Variants in TMEM178B observed in about 807,000 individuals in gnomAD.
TMEM178B encodes the protein transmembrane protein 178B.
Under a neutral mutation model 31.0 loss-of-function variants are expected in TMEM178B, and 5 were observed. The ratio of observed to expected loss-of-function variants is 0.16; its 90% CI spans 0.08 to 0.34. The LOEUF (loss-of-function observed/expected upper bound fraction) is 0.34, where lower values mean the gene tolerates loss of function less well. Among genes scored for constraint, TMEM178B ranks in the 10% least tolerant of loss-of-function variants. The pLI is 1.00. For synonymous variants in TMEM178B, 164 were observed against 164.0 expected, an observed-to-expected ratio of 1.00 and a Z score of 0.00; for missense variants, 275 against 400.3, an observed-to-expected ratio of 0.69 and a Z score of 2.67.
chr7:141,103,251 G>A (rs1278719347), intron 1 of TMEM178B, among the ~76,000 whole-genome samples: 1 of 152,206 alleles, frequency 6.6e-6, no homozygotes, highest in Non-Finnish European at 1.5e-5. Flanking sequence ...CACAATTGTG[G>A]TTGTAGATCA....
At chr7:141,227,269 A>G (rs1401788196) in intron 2 of TMEM178B, among the ~76,000 whole-genome samples, 2 of 152,224 alleles carry the variant, frequency 1.3e-5, no homozygotes, top group African/African-American at 4.8e-5. Flanking sequence ...GGCATCTGAA[A>G]GGAACCTAAA....
chr7:141,257,818 C>T (rs1469531124), intron 2 of TMEM178B, among the ~76,000 whole-genome samples: 4 of 151,798 alleles, frequency 2.6e-5, no homozygotes, highest in Admixed American at 2.6e-4. Context: ...ATGTTTCATC[C>T]ATTCACATTT....
At chr7:141,368,578 T>C (rs1448512897) in intron 2 of TMEM178B, among the ~76,000 whole-genome samples, 1 of 152,230 alleles carries the variant, frequency 6.6e-6, no homozygotes, top group African/African-American at 2.4e-5. Context: ...AAAGACTGAA[T>C]ACAATTCTAC....
Position 141,229,087 on chromosome 7 carries a change from G to C in TMEM178B, c.496+16383G>C, listed in dbSNP as rs1558447. On this transcript the variant is annotated intron_variant, in intron 2 of 3. Transcript: ENST00000565468. Reference sequence around the variant, plus strand: ...TGACTAGGGATTTTTTTTGCAAAATGATGTGTGTGTGTGGTGTGTGTGTGT... The same window carrying C: ...TGACTAGGGATTTTTTTTGCAAAATCATGTGTGTGTGTGGTGTGTGTGTGT... Among the ~76,000 whole-genome samples the C allele has an allele frequency of 2.8e-4, 33 of 119,500 alleles. No homozygotes were observed. In the East Asian group the frequency reaches 5.1e-3, roughly 18 times the overall value. The allele number at this position is 119,500 out of a possible 152,430, so 78.4% of individuals were successfully genotyped here.
intron 1 of TMEM178B, among the ~76,000 whole-genome samples, chr7:141,119,728 G>A (rs1171470308): frequency 4.6e-5 from 7 of 152,152 alleles, no homozygotes; most frequent in Non-Finnish European, 8.8e-5. Context: ...GAAGGGAGCC[G>A]GGGTTATGTC....
At chr7:141,493,197 T>G in the TMEM178B span, among the ~76,000 whole-genome samples, 1 of 152,092 alleles carries the variant, frequency 6.6e-6, no homozygotes, top group Admixed American at 6.5e-5. Flanking sequence ...CCCTCCGCAG[T>G]CTCTCCCCTC....
chr7:141,285,288 C>T (rs1202132488), intron 2 of TMEM178B, among the ~76,000 whole-genome samples: 2 of 149,542 alleles, frequency 1.3e-5, no homozygotes, highest in Admixed American at 1.3e-4. Flanking sequence ...GTAGCTGGGA[C>T]TAGAGGTGCC....
intron 1 of TMEM178B, among the ~76,000 whole-genome samples, chr7:141,158,188 C>T (rs746611537): frequency 4.5e-4 from 69 of 152,260 alleles, no homozygotes; most frequent in Non-Finnish European, 8.1e-4. Flanking sequence ...CTCCATCTCC[C>T]GGGTTCAAGC....
At position 141,477,197 on chromosome 7, in the gene TMEM178B, T is replaced by G. The variant is rs1271150369; in HGVS notation, c.*6411T>G. 6.5e-6 allele frequency: 1 copy of G among 154,858 alleles called. No homozygotes were observed. The highest frequency in any genetic ancestry group is 1.5e-5 in the Non-Finnish European group (1 of 68,248). The allele number at this position is 154,858 out of a possible 1,614,324, so 9.6% of individuals were successfully genotyped here. On this transcript the variant is annotated 3_prime_UTR_variant, in exon 4 of 4. Transcript: ENST00000565468. ...CTGTGAAGAGCTTTCATGAACTCATTCTCATACTCCTTCCCCATTTCCACC... is the reference window on the plus strand; with the variant it reads ...CTGTGAAGAGCTTTCATGAACTCATGCTCATACTCCTTCCCCATTTCCACC...
intron 2 of TMEM178B, among the ~76,000 whole-genome samples, chr7:141,371,194 G>A (rs1800108723): frequency 6.6e-6 from 1 of 152,106 alleles, no homozygotes; most frequent in African/African-American, 2.4e-5. Flanking sequence ...AGCCTAATGG[G>A]AGGTGCTCGC....
intron 2 of TMEM178B, among the ~76,000 whole-genome samples, chr7:141,275,088 T>A (rs35113384): frequency 6.6e-6 from 1 of 152,204 alleles, no homozygotes; most frequent in Non-Finnish European, 1.5e-5. Context: ...TTTGGTTCTC[T>A]GGAAGACACT....
intron 2 of TMEM178B, among the ~76,000 whole-genome samples, chr7:141,348,819 A>G (rs1019699890): frequency 6.6e-6 from 1 of 152,216 alleles, no homozygotes; most frequent in East Asian, 1.9e-4. Context: ...TGAAACCTCA[A>G]CTAGGTTACA....
At chr7:141,091,464 T>G (rs1445090697) in intron 1 of TMEM178B, among the ~76,000 whole-genome samples, 1 of 152,132 alleles carries the variant, frequency 6.6e-6, no homozygotes, top group Non-Finnish European at 1.5e-5. Context: ...AAGAAGGACA[T>G]TTGTGCTCCT....
At chr7:141,270,113 A>G (rs1798157760) in intron 2 of TMEM178B, among the ~76,000 whole-genome samples, 1 of 152,140 alleles carries the variant, frequency 6.6e-6, no homozygotes, top group Non-Finnish European at 1.5e-5. Context: ...AACAAAAGCA[A>G]CAACAGAAAA....
intron 1 of TMEM178B, among the ~76,000 whole-genome samples, chr7:141,113,836 C>A (rs1795274559): frequency 6.6e-6 from 1 of 152,170 alleles, no homozygotes; most frequent in Non-Finnish European, 1.5e-5. Context: ...ATTGAATGGG[C>A]ATTTGAGCTA....
Position 141,437,717 on chromosome 7 carries a change from C to G in TMEM178B, c.606C>G (p.Tyr202Ter). Reference protein sequence around the residue: ...GCCWDRGLMQYVAGLLFLMGG... With the variant: ...GCCWDRGLMQ Reference sequence around the variant, plus strand: ...GCTGGGACCGAGGCCTTATGCAGTACGTGGCAGGGCTGCTCTTCCTCATGG... The same window carrying G: ...GCTGGGACCGAGGCCTTATGCAGTAGGTGGCAGGGCTGCTCTTCCTCATGG... Residue 202 changes from tyrosine to a stop codon, truncating the protein, a stop_gained, in exon 3 of 4, where the codon TAC becomes TAG. Coordinates refer to ENST00000565468, the MANE Select transcript of TMEM178B (RefSeq NM_001195278.2). LOFTEE classifies it high-confidence loss of function. 1 of 1,536,146 alleles carries G rather than the reference C, an allele frequency of 6.5e-7. No homozygotes were observed. The highest frequency in any genetic ancestry group is 8.7e-7 in the Non-Finnish European group (1 of 1,146,854).
chr7:141,148,731 A>T (rs1244780445), intron 1 of TMEM178B, among the ~76,000 whole-genome samples: 1 of 152,244 alleles, frequency 6.6e-6, no homozygotes, highest in Non-Finnish European at 1.5e-5. Context: ...CCCTGCTCAT[A>T]TCCTACTGAG....
At chr7:141,449,951 T>A (rs1366450632) in intron 3 of TMEM178B, among the ~76,000 whole-genome samples, 1 of 152,230 alleles carries the variant, frequency 6.6e-6, no homozygotes, top group African/African-American at 2.4e-5. Flanking sequence ...GCCTGAGCTG[T>A]AAATGAATTC....
At position 141,478,018 on chromosome 7, in the gene TMEM178B, G is replaced by A. The variant is rs1315927290; in HGVS notation, c.*7232G>A. The A allele has an allele frequency of 6.6e-6, 1 of 152,530 alleles. No homozygotes were observed. Among genetic ancestry groups the A allele is most frequent in the Non-Finnish European group, 1.5e-5 (1 of 68,190 alleles). 9.4% of individuals were successfully genotyped at this position (152,530 alleles called of 1,614,324 possible). A position where few individuals can be genotyped will look rare whatever the true frequency, so the allele number is the denominator to read the frequency against. On this transcript the variant is annotated 3_prime_UTR_variant, in exon 4 of 4. Transcript: ENST00000565468. ...GAAAGAGCATCCAAGGAGATGATGT[G>A]TGAATTGCTTTGTAATTTATGACTC...
Sources: allele counts gnomAD v4.1 joint callset (sites outside exome capture counted in the v4.1 genomes callset), GRCh38; gene constraint gnomAD v4.1.1; transcripts MANE v1.5; gene names NCBI Gene and HGNC (gene_info 2026-07-23, HGNC 2026-07-21).